The following TTC34 variants were observed in gnomAD, a reference collection of about 807,000 sequenced individuals.
TTC34 encodes the protein tetratricopeptide repeat domain 34, also known as tetratricopeptide repeat protein 34.
Under a neutral mutation model 40.7 loss-of-function variants are expected in TTC34, and 44 were observed. The ratio of observed to expected loss-of-function variants is 1.08; its 90% CI spans 0.85 to 1.39. The LOEUF is 1.39. Among genes scored for constraint, TTC34 ranks in the 40% most tolerant of loss-of-function variants. The pLI, the probability that TTC34 is intolerant of heterozygous loss-of-function variation, is 0.00. For missense variants in TTC34, 884 were observed against 838.0 expected (o/e 1.05, Z -0.68); for synonymous variants, 422 against 398.6 (o/e 1.06, Z -0.70).
chr1:2,794,020 A>G (rs1643689921), intron 2 of TTC34, among the ~76,000 whole-genome samples: 1 of 150,176 alleles, frequency 6.7e-6, no homozygotes, highest in Admixed American at 6.7e-5. Context: ...CTTTTCTGAT[A>G]CAATGTTTGC....
intron 6 of TTC34, among the ~76,000 whole-genome samples, chr1:2,687,646 C>A (rs1388818595): frequency 4.6e-5 from 7 of 151,446 alleles, no homozygotes; most frequent in African/African-American, 9.8e-5. Context: ...AGCACCCACA[C>A]CCCCAGGTGA....
intron 6 of TTC34, among the ~76,000 whole-genome samples, chr1:2,671,702 TGCCCAAAC>T (rs1639706633): frequency 2.1e-5 from 1 of 48,270 alleles, no homozygotes; most frequent in Admixed American, 2.0e-4. Flanking sequence ...CCTGGAGCAG[TGCCCAAAC>T]ACCCAGGTGA....
intron 6 of TTC34, chr1:2,773,779 C>G (rs945500910): frequency 6.9e-6 from 1 of 145,708 alleles, no homozygotes; most frequent in African/African-American, 2.7e-5. Context: ...CACCCACACC[C>G]CCAGGTGAGC....
Position 2,800,698 on chromosome 1 carries a change from G to A in TTC34, c.130C>T (p.Gln44Ter). The change falls in exon 2 of 9, where the codon CAG becomes TAG. Residue 44 changes from glutamine to a stop codon, truncating the protein, a stop_gained. Transcript: ENST00000401095. LOFTEE classifies it high-confidence loss of function. ...TGGGCCAGGGCAGTGCGCACACTCT[G>A]CAGGGCTGAGGGGGCGTGGCAGCTG... 2.5e-6 allele frequency: 1 copy of A among 398,588 alleles called. No homozygotes were observed. The allele number at this position is 398,588 out of a possible 1,614,324, so 24.7% of individuals were successfully genotyped here. A position where few individuals can be genotyped will look rare whatever the true frequency, so the allele number is the denominator to read the frequency against.
At chr1:2,776,107 G>A (rs982554958) in intron 6 of TTC34, 3 of 138,660 alleles carry the variant, frequency 2.2e-5, no homozygotes, top group African/African-American at 9.1e-5. Context: ...TTTGATAAGT[G>A]GGAAAAAGCT....
intron 6 of TTC34, among the ~76,000 whole-genome samples, chr1:2,685,857 C>A (rs1257096645): frequency 2.0e-5 from 3 of 149,160 alleles, no homozygotes; most frequent in Admixed American, 2.0e-4. Flanking sequence ...GAGCCTCTGA[C>A]AGCCTGGAAC....
intron 6 of TTC34, among the ~76,000 whole-genome samples, chr1:2,698,539 C>T (rs1410035060): frequency 7.3e-5 from 9 of 122,554 alleles, no homozygotes; most frequent in East Asian, 2.3e-4. Context: ...CCCAGGTGAG[C>T]ATCGGGCAGC....
intron 6 of TTC34, among the ~76,000 whole-genome samples, chr1:2,695,014 C>G (rs538772376): frequency 3.7e-4 from 55 of 149,466 alleles, no homozygotes; most frequent in African/African-American, 1.3e-3. Flanking sequence ...GATCTGACAG[C>G]CTGGAACAGC....
At chr1:2,755,476 C>T (rs1213435843) in intron 6 of TTC34, among the ~76,000 whole-genome samples, 6 of 77,462 alleles carry the variant, frequency 7.7e-5, no homozygotes, top group African/African-American at 5.7e-4. Context: ...AGGTGAACAT[C>T]CGACATCGTG....
At chr1:2,646,138 A>G (rs1040807379) in intron 6 of TTC34, among the ~76,000 whole-genome samples, 8 of 152,060 alleles carry the variant, frequency 5.3e-5, no homozygotes, top group Admixed American at 6.6e-5. Flanking sequence ...GGCCCTAACT[A>G]TGCCTCTTTA....
chr1:2,641,296 C>T, exon 9 of TTC34: 8 of 1,435,460 alleles, frequency 5.6e-6, no homozygotes, highest in Non-Finnish European at 7.3e-6. Context: ...CTGGGTACAC[C>T]CCTGGGCCTG....
At chr1:2,655,023 GCATCT>G (rs1639292012) in intron 6 of TTC34, among the ~76,000 whole-genome samples, 6 of 107,168 alleles carry the variant, frequency 5.6e-5, no homozygotes, top group African/African-American at 1.4e-4. Context: ...CCCCAGGTGA[GCATCT>G]GACAGCCCGG....
chr1:2,655,871 G>A (rs1570762372), intron 6 of TTC34, among the ~76,000 whole-genome samples: 1 of 98,588 alleles, frequency 1.0e-5, no homozygotes, highest in African/African-American at 3.6e-5. Context: ...GCGAGCATCT[G>A]ACAGCCTGGA....
At chr1:2,683,946 A>T (rs1471534458) in intron 6 of TTC34, among the ~76,000 whole-genome samples, 35 of 136,518 alleles carry the variant, frequency 2.6e-4, no homozygotes, top group Non-Finnish European at 4.4e-4. Flanking sequence ...CTGGAGCAGT[A>T]CCCACACCCA....
chr1:2,797,813 T>A (rs997318383), intron 2 of TTC34, among the ~76,000 whole-genome samples: 8 of 151,956 alleles, frequency 5.3e-5, no homozygotes, highest in African/African-American at 1.7e-4. Context: ...CGCGCTTCCC[T>A]CCACAGTTCA....
intron 6 of TTC34, among the ~76,000 whole-genome samples, chr1:2,695,961 G>T (rs1640845854): frequency 7.9e-6 from 1 of 126,746 alleles, no homozygotes. Flanking sequence ...CACACCCACA[G>T]TTGAGCATCT....
intron 6 of TTC34, among the ~76,000 whole-genome samples, chr1:2,759,528 A>G (rs1641622146): frequency 5.5e-4 from 80 of 145,246 alleles, no homozygotes; most frequent in South Asian, 1.1e-3. Flanking sequence ...CCCCCAGATG[A>G]GCATCTGACA....
intron 6 of TTC34, among the ~76,000 whole-genome samples, chr1:2,750,646 C>A (rs1178281970): frequency 6.0e-4 from 59 of 97,958 alleles, no homozygotes; most frequent in Admixed American, 8.0e-4. Context: ...GCACCCACAC[C>A]CCCAGGTGAG....
intron 6 of TTC34, among the ~76,000 whole-genome samples, chr1:2,656,425 A>C (rs1451519535): frequency 3.8e-5 from 2 of 52,544 alleles, no homozygotes; most frequent in Non-Finnish European, 6.6e-5. Context: ...CCCCCAGGTG[A>C]GCATCTGACA....
Sources: gnomAD v4.1 joint callset for allele counts (sites outside exome capture counted in the v4.1 genomes callset) on GRCh38, gnomAD v4.1.1 for gene constraint, MANE v1.5 for transcripts, NCBI Gene and HGNC (gene_info 2026-07-23, HGNC 2026-07-21) for gene names.